The following EME2 variants were observed in gnomAD, a reference collection of about 807,000 sequenced individuals.
EME2 encodes structure-specific endonuclease subunit EME2.
A neutral mutation model predicts 41.9 loss-of-function variants in EME2; 58 were observed. That is an observed-to-expected ratio of 1.38 (90% CI 1.12 to 1.72). The LOEUF is 1.72. EME2 is among the 40% of genes most tolerant of loss of function. The probability of loss-of-function intolerance (pLI) is 0.00; values close to 1 mark genes in which losing one functional copy is unlikely to be tolerated. For missense variants in EME2, 695 were observed against 541.9 expected (o/e 1.28, Z -2.81); for synonymous variants, 334 against 239.3 (o/e 1.40, Z -3.65).
Position 1,781,061 on chromosome 16 carries a change from C to A in EME2, c.*4823C>A. The A allele has an allele frequency of 9.9e-7, 1 of 1,011,068 alleles. No homozygotes were observed. The highest frequency in any genetic ancestry group is 1.4e-6 in the Non-Finnish European group (1 of 733,596). 62.6% of individuals were successfully genotyped at this position (1,011,068 alleles called of 1,614,324 possible). On this transcript the variant is annotated 3_prime_UTR_variant, in exon 8 of 8. Coordinates refer to ENST00000568449, the MANE Select transcript of EME2 (RefSeq NM_001257370.2). ...TAGTGGAGAATTTCTGTTGAATGAA[C>A]CAAAAGCAACTGCCAACCTCTCCAT...
chr16:1,781,309 A>C lies in EME2; in HGVS notation c.*5071A>C. On this transcript the variant is annotated 3_prime_UTR_variant, in exon 8 of 8. Coordinates refer to ENST00000568449, the MANE Select transcript of EME2 (RefSeq NM_001257370.2). ...TAATGTCTGCCTGCCTGCCTAGGGC[A>C]TCTCCACACCTTAGGCCAGCCACGT... The C allele has an allele frequency of 6.2e-7, 1 of 1,612,764 alleles. No individual in the cohort carries two copies. Among genetic ancestry groups the C allele is most frequent in the Non-Finnish European group, 8.5e-7 (1 of 1,179,974 alleles).
rs756529592 is a variant in EME2, at chr16:1,777,917, G to A, written c.*1679G>A. ...CAGTGAGCCCGGGAGCTCCAGGCTC[G>A]GCCCCGCCCCACCCTGGGCCTCACG... On this transcript the variant is annotated 3_prime_UTR_variant, in exon 8 of 8. Coordinates refer to ENST00000568449, the MANE Select transcript of EME2 (RefSeq NM_001257370.2). The A allele has an allele frequency of 7.4e-5, 120 of 1,611,716 alleles. 2 individuals carry two copies. In the South Asian group the frequency reaches 8.8e-4, roughly 12 times the overall value.
rs199593669 is a variant in EME2, at chr16:1,776,074, G to C, written c.976G>C (p.Glu326Gln). Residue 326 changes from glutamate to glutamine, a missense_variant, in exon 8 of 8, where the codon GAG becomes CAG. Transcript: ENST00000568449. ...TGCCTTTGCCTGCTCCTAGGCGCTG[G>C]AGGCCTGCAGCACGGAGCGGGAGCG... ...PSPRLLQQALEACSTERERMG... is the reference protein window; with the variant it reads ...PSPRLLQQALQACSTERERMG... 817 of 1,608,738 alleles carry C rather than the reference G, an allele frequency of 5.1e-4. 1 individual carries two copies. The highest frequency in any genetic ancestry group is 1.4e-3 in the Admixed American group (86 of 59,868).
Position 1,775,418 on chromosome 16 carries a change from T to TGA in EME2, c.663+11_663+12insAG. 1 of 1,612,150 alleles carries TGA rather than the reference T, an allele frequency of 6.2e-7. No individual in the cohort carries two copies. On this transcript the variant is annotated intron_variant, in intron 5 of 7. Coordinates refer to ENST00000568449, the MANE Select transcript of EME2 (RefSeq NM_001257370.2). ...GCCGGAGGTGGAAGAGGTGAGGGCC[T>TGA]GTCTGAGCTGGGTGAGTCAGGTGGC...
chr16:1,772,833 C>A lies in EME2; in HGVS notation c.-395C>A. On this transcript the variant is annotated 5_prime_UTR_variant, in exon 1 of 8. Transcript: ENST00000568449. ...GTAGTCGGGCCGCACCCGCGTGAGG[C>A]GCCAGTAGCACGGCTCGTCGTGCTG... 2 of 1,444,106 alleles carry A rather than the reference C, an allele frequency of 1.4e-6. No homozygotes were observed. Among genetic ancestry groups the A allele is most frequent in the Non-Finnish European group, 1.8e-6 (2 of 1,103,604 alleles). The allele number at this position is 1,444,106 out of a possible 1,614,324, so 89.5% of individuals were successfully genotyped here.
rs1039213961 is a variant in EME2 at position 1,778,807 on chromosome 16, A to G, written c.*2569A>G. 1.8e-6 allele frequency: 1 copy of G among 547,906 alleles called. No homozygotes were observed. The highest frequency in any genetic ancestry group is 3.0e-6 in the Non-Finnish European group (1 of 330,738). 33.9% of individuals were successfully genotyped at this position (547,906 alleles called of 1,614,324 possible). A position where few individuals can be genotyped will look rare whatever the true frequency, so the allele number is the denominator to read the frequency against. On this transcript the variant is annotated 3_prime_UTR_variant, in exon 8 of 8. Coordinates refer to ENST00000568449, the MANE Select transcript of EME2 (RefSeq NM_001257370.2). Reference sequence around the variant, plus strand: ...GGGCTCCGGCTCTGCCCCATTCTGCATGACCAGGAGGGCCCTGGAGGCCCA... The same window carrying G: ...GGGCTCCGGCTCTGCCCCATTCTGCGTGACCAGGAGGGCCCTGGAGGCCCA...
chr16:1,777,283 G>A lies in EME2; in HGVS notation c.*1045G>A. The A allele has an allele frequency of 6.2e-7, 1 of 1,610,400 alleles. No homozygotes were observed. The highest frequency in any genetic ancestry group is 8.5e-7 in the Non-Finnish European group (1 of 1,179,808). On this transcript the variant is annotated 3_prime_UTR_variant, in exon 8 of 8. Coordinates refer to ENST00000568449, the MANE Select transcript of EME2 (RefSeq NM_001257370.2). ...GCGGCAGCGGCAGACCCTCCAGCGT[G>A]TCTCCCGAGTCTGGCCGCAGCTGGC...
rs1171457817 is a variant in EME2 at position 1,779,649 on chromosome 16, G to C, written c.*3411G>C. 2.0e-5 allele frequency: 3 copies of C among 152,392 alleles called. No individual in the cohort carries two copies. In the South Asian group the frequency reaches 6.2e-4, roughly 31 times the overall value. The allele number at this position is 152,392 out of a possible 1,614,324, so 9.4% of individuals were successfully genotyped here. A position where few individuals can be genotyped will look rare whatever the true frequency, so the allele number is the denominator to read the frequency against. ...TAGACCCCCTGAGTCAGGAGCCCGG[G>C]CACAGAACTGAGCACCTGCACTGCA... On this transcript the variant is annotated 3_prime_UTR_variant, in exon 8 of 8. Coordinates refer to ENST00000568449, the MANE Select transcript of EME2 (RefSeq NM_001257370.2).
At position 1,775,751 on chromosome 16, in the gene EME2, G is replaced by A. The variant is rs762030045; in HGVS notation, c.780-46G>A. ...GGTAGTGGTGCCTCCCCGGCCTTTT[G>A]GGAGCTGCTCACATGAGGTTCTAAA... On this transcript the variant is annotated intron_variant, in intron 6 of 7. Coordinates refer to ENST00000568449, the MANE Select transcript of EME2 (RefSeq NM_001257370.2). The A allele has an allele frequency of 1.7e-5, 28 of 1,612,372 alleles. No individual in the cohort carries two copies. In the South Asian group the frequency reaches 3.0e-4, roughly 17 times the overall value.
At position 1,781,052 on chromosome 16, in the gene EME2, T is replaced by C. The variant is rs1596858802; in HGVS notation, c.*4814T>C. The stretch of plus-strand genomic sequence containing the variant: ...CCAGCCCCGTAGTGGAGAATTTCTG[T>C]TGAATGAACCAAAAGCAACTGCCAA... On this transcript the variant is annotated 3_prime_UTR_variant, in exon 8 of 8. Transcript: ENST00000568449. 1.2e-5 allele frequency: 10 copies of C among 859,758 alleles called. No individual in the cohort carries two copies. In the Admixed American group the frequency reaches 1.6e-4, roughly 14 times the overall value. 53.3% of individuals were successfully genotyped at this position (859,758 alleles called of 1,614,324 possible).
Position 1,778,399 on chromosome 16 carries a change from A to G in EME2, c.*2161A>G. On this transcript the variant is annotated 3_prime_UTR_variant, in exon 8 of 8. Coordinates refer to ENST00000568449, the MANE Select transcript of EME2 (RefSeq NM_001257370.2). Reference sequence around the variant, plus strand: ...CCTGCCCACCCCCAGGCCCGCCCGCAGTGCAGTCCCAGCAGGGGCTGGGCC... The same window carrying G: ...CCTGCCCACCCCCAGGCCCGCCCGCGGTGCAGTCCCAGCAGGGGCTGGGCC... 1.2e-6 allele frequency: 2 copies of G among 1,605,868 alleles called. No homozygotes were observed. Among genetic ancestry groups the G allele is most frequent in the Non-Finnish European group, 1.7e-6 (2 of 1,176,538 alleles).
rs2042751300 is a variant in EME2, at chr16:1,778,668, C to G, written c.*2430C>G. The stretch of plus-strand genomic sequence containing the variant: ...GTTGCCCGCTCTCTACCCTCTCACC[C>G]TTGCCCTCTGTCCCTGTCCCACCCT... On this transcript the variant is annotated 3_prime_UTR_variant, in exon 8 of 8. Coordinates refer to ENST00000568449, the MANE Select transcript of EME2 (RefSeq NM_001257370.2). 4 of 1,503,848 alleles carry G rather than the reference C, an allele frequency of 2.7e-6. No homozygotes were observed. Among genetic ancestry groups the G allele is most frequent in the South Asian group, 2.6e-5 (2 of 77,030 alleles). 93.2% of individuals were successfully genotyped at this position (1,503,848 alleles called of 1,614,324 possible).
At position 1,773,273 on chromosome 16, in the gene EME2, C is replaced by A; in HGVS notation, c.46C>A (p.Arg16=). 6.8e-7 allele frequency: 1 copy of A among 1,465,670 alleles called. No individual in the cohort carries two copies. The highest frequency in any genetic ancestry group is 8.9e-7 in the Non-Finnish European group (1 of 1,117,402). The allele number at this position is 1,465,670 out of a possible 1,614,324, so 90.8% of individuals were successfully genotyped here. ...GAGGGCGGGGGTCTCTTGCCAGGGC[C>A]GGGGCCGGGGACGGGGCGGGAGCGG... is the stretch of plus-strand genomic sequence containing the variant. ...PGRAGVSCQG[R]GRGRGGSGQR... is the part of the protein sequence containing the mutation. The change falls in exon 1 of 8, where the codon CGG becomes AGG. Residue 16 remains arginine (R), a synonymous_variant. Transcript: ENST00000568449.
chr16:1,773,109 T>A lies in EME2; in HGVS notation c.-119T>A, dbSNP rs778248787. ...CGCGATCAGCCGCGGACGCACCTTC[T>A]TCCGCGCCATGGCGGGTCCGCGTCC... is the stretch of plus-strand genomic sequence containing the variant. On this transcript the variant is annotated 5_prime_UTR_variant, in exon 1 of 8. Coordinates refer to ENST00000568449, the MANE Select transcript of EME2 (RefSeq NM_001257370.2). 34 of 1,397,256 alleles carry A rather than the reference T, an allele frequency of 2.4e-5. No individual in the cohort carries two copies. Among genetic ancestry groups the A allele is most frequent in the Non-Finnish European group, 3.1e-5 (33 of 1,081,154 alleles). The allele number at this position is 1,397,256 out of a possible 1,614,324, so 86.6% of individuals were successfully genotyped here. A position where few individuals can be genotyped will look rare whatever the true frequency, so the allele number is the denominator to read the frequency against.
rs1182203767 is a variant in EME2, at chr16:1,777,203, C to T, written c.*965C>T. The T allele has an allele frequency of 6.2e-7, 1 of 1,610,420 alleles. No homozygotes were observed. On this transcript the variant is annotated 3_prime_UTR_variant, in exon 8 of 8. Transcript: ENST00000568449. ...GGACACTGGAGCCTTGCGGCGGCTG[C>T]AACTCATGCTCAGGACCCAGCCCAG...
In EME2 at chr16:1,778,203, G is replaced by A. The variant is rs768061667; in HGVS notation, c.*1965G>A. 2.7e-5 allele frequency: 43 copies of A among 1,613,002 alleles called. No homozygotes were observed. Among genetic ancestry groups the A allele is most frequent in the Non-Finnish European group, 3.6e-5 (43 of 1,179,970 alleles). The stretch of plus-strand genomic sequence containing the variant: ...AGTGCTGGCCCTCCCCCAGCTCCTT[G>A]GTGCCCCGGATGGCCGCTGTGCCGC... On this transcript the variant is annotated 3_prime_UTR_variant, in exon 8 of 8. Transcript: ENST00000568449.
chr16:1,776,548 G>GC lies in EME2; in HGVS notation c.*311dup, dbSNP rs2042716047. ...ACACACACTCGGCAGGGACCAGAAG[G>GC]CAGCTCCAGGGCCCCACTGCCACCT... On this transcript the variant is annotated 3_prime_UTR_variant, in exon 8 of 8. Transcript: ENST00000568449. 2.7e-6 allele frequency: 1 copy of GC among 373,890 alleles called. No individual in the cohort carries two copies. Among genetic ancestry groups the GC allele is most frequent in the Non-Finnish European group, 4.8e-6 (1 of 206,350 alleles). 23.2% of individuals were successfully genotyped at this position (373,890 alleles called of 1,614,324 possible).
chr16:1,772,962 C>T lies in EME2; in HGVS notation c.-266C>T. 1 of 1,449,068 alleles carries T rather than the reference C, an allele frequency of 6.9e-7. No homozygotes were observed. The highest frequency in any genetic ancestry group is 9.1e-7 in the Non-Finnish European group (1 of 1,104,254). The allele number at this position is 1,449,068 out of a possible 1,614,324, so 89.8% of individuals were successfully genotyped here. On this transcript the variant is annotated 5_prime_UTR_variant, in exon 1 of 8. Coordinates refer to ENST00000568449, the MANE Select transcript of EME2 (RefSeq NM_001257370.2). The stretch of plus-strand genomic sequence containing the variant: ...CTCGCGGCGCACGTCGGCCCAGGCC[C>T]GGACCGGCAGCCGGCGTCCAGAGAA...
At position 1,772,865 on chromosome 16, in the gene EME2, C is replaced by A. The variant is rs1038503314; in HGVS notation, c.-363C>A. Reference sequence around the variant, plus strand: ...AGCACGGCTCGTCGTGCTGCCACAGCCAGGACTTGCGCGTGACCAGGCGGC... The same window carrying A: ...AGCACGGCTCGTCGTGCTGCCACAGACAGGACTTGCGCGTGACCAGGCGGC... On this transcript the variant is annotated 5_prime_UTR_variant, in exon 1 of 8. Coordinates refer to ENST00000568449, the MANE Select transcript of EME2 (RefSeq NM_001257370.2). The A allele has an allele frequency of 3.4e-6, 5 of 1,452,556 alleles. No individual in the cohort carries two copies. The allele number at this position is 1,452,556 out of a possible 1,614,324, so 90.0% of individuals were successfully genotyped here.
Sources: gnomAD v4.1 joint callset for allele counts on GRCh38, gnomAD v4.1.1 for gene constraint, MANE v1.5 for transcripts, NCBI Gene and HGNC (gene_info 2026-07-23, HGNC 2026-07-21) for gene names.